FMN2: variants seen among roughly 807,000 people sequenced by gnomAD.
FMN2 encodes the protein formin 2, also known as formin-2.
In FMN2, 51 loss-of-function variants were observed where a neutral mutation model predicts 142.3. The observed-to-expected ratio is 0.36, with a 90% CI of 0.29 to 0.45. The LOEUF is 0.45. Ranked by LOEUF, FMN2 falls within the 20% of genes least tolerant of loss-of-function variation. FMN2 has a pLI of 1.00. For synonymous variants in FMN2, 882 were observed against 869.8 expected (o/e 1.01, Z -0.25); for missense variants, 1,936 against 2,122.8 (o/e 0.91, Z 1.73).
At chr1:240,438,318 C>T in intron 16 of FMN2, 108 bp downstream of exon 16, 1 of 1,213,014 alleles carries the variant, frequency 8.2e-7, no homozygotes, top group Non-Finnish European at 1.1e-6. Flanking sequence ...AGATGGCCCT[C>T]AACCCGGGGT....
chr1:240,467,455 A>G (rs1190164571), intron 16 of FMN2, among the ~76,000 whole-genome samples: 1 of 152,002 alleles, frequency 6.6e-6, no homozygotes, highest in African/African-American at 2.4e-5. Flanking sequence ...TTTAGTAGAG[A>G]TGGGGTTTCA....
At chr1:240,334,376 ATATTCT>A (rs1671492434) in intron 13 of FMN2, 147 bp downstream of exon 13, 1 of 972,340 alleles carries the variant, frequency 1.0e-6, no homozygotes, top group African/African-American at 1.7e-5. Flanking sequence ...AATTTTGCCT[ATATTCT>A]TATTCTTTGG....
intron 14 of FMN2, among the ~76,000 whole-genome samples, chr1:240,360,242 C>G (rs1672416331): frequency 6.6e-6 from 1 of 152,196 alleles, no homozygotes; most frequent in African/African-American, 2.4e-5. Context: ...ACCGATGACT[C>G]TAATGATAAC....
chr1:240,163,995 C>T (rs369658943), intron 2 of FMN2, among the ~76,000 whole-genome samples: 10 of 152,154 alleles, frequency 6.6e-5, no homozygotes, highest in East Asian at 5.8e-4. Context: ...ACCTCAGCCT[C>T]TCAAGTAGCT....
intron 14 of FMN2, among the ~76,000 whole-genome samples, chr1:240,359,878 C>A (rs1261672806): frequency 2.0e-5 from 3 of 152,200 alleles, no homozygotes; most frequent in African/African-American, 4.8e-5. Flanking sequence ...GTATAAGCTT[C>A]ATTAAGAAGG....
At chr1:240,407,104 T>G (rs1276594516) in intron 15 of FMN2, among the ~76,000 whole-genome samples, 1 of 151,894 alleles carries the variant, frequency 6.6e-6, no homozygotes, top group East Asian at 1.9e-4. Context: ...ATGATGTAGG[T>G]ATGGGTTTGG....
intron 7 of FMN2, among the ~76,000 whole-genome samples, chr1:240,279,462 G>T (rs1037003381): frequency 1.3e-5 from 2 of 152,100 alleles, no homozygotes; most frequent in African/African-American, 4.8e-5. Context: ...GTAAGAAGCA[G>T]GTGGTACTTA....
At chr1:240,264,809 T>C (rs897266314) in intron 7 of FMN2, among the ~76,000 whole-genome samples, 3 of 152,206 alleles carry the variant, frequency 2.0e-5, no homozygotes, top group Non-Finnish European at 2.9e-5. Flanking sequence ...TCATATCTTT[T>C]TATTAGTATT....
At chr1:240,433,549 A>C (rs574628625) in intron 15 of FMN2, among the ~76,000 whole-genome samples, 1 of 152,232 alleles carries the variant, frequency 6.6e-6, no homozygotes, top group African/African-American at 2.4e-5. Flanking sequence ...CCTAAAAGGG[A>C]GTTTTCTCTT....
intron 2 of FMN2, among the ~76,000 whole-genome samples, chr1:240,148,387 CAGAG>C (rs1373183537): frequency 0.037 from 5,176 of 139,182 alleles, 253 homozygotes; most frequent in African/African-American, 0.12. Flanking sequence ...GAGAGAAAGA[CAGAG>C]AGAAAGACAG....
At chr1:240,243,674 A>T (rs1667987956) in intron 6 of FMN2, among the ~76,000 whole-genome samples, 1 of 152,224 alleles carries the variant, frequency 6.6e-6, no homozygotes, top group Admixed American at 6.5e-5. Flanking sequence ...AGTTATGGGA[A>T]TATTGCATAT....
intron 6 of FMN2, among the ~76,000 whole-genome samples, chr1:240,253,840 CTG>C (rs1668359840): frequency 6.6e-6 from 1 of 151,804 alleles, no homozygotes; most frequent in Non-Finnish European, 1.5e-5. Flanking sequence ...AGTGTAGTCT[CTG>C]TATGATTTTT....
chr1:240,335,002 GAT>G (rs1056829341), intron 13 of FMN2, among the ~76,000 whole-genome samples: 3 of 152,108 alleles, frequency 2.0e-5, no homozygotes, highest in African/African-American at 7.2e-5. Flanking sequence ...AAACCAAAAA[GAT>G]AGAACTTTTT....
At chr1:240,434,907 G>A (rs1376786044) in intron 15 of FMN2, among the ~76,000 whole-genome samples, 2 of 151,518 alleles carry the variant, frequency 1.3e-5, no homozygotes, top group Non-Finnish European at 2.9e-5. Flanking sequence ...CTAGTGTACA[G>A]CTGAGACAGC....
In FMN2 at chr1:240,295,189, TACACACAC is replaced by T. The variant is rs67137806; in HGVS notation, c.4215+335_4215+342del. Among the ~76,000 whole-genome samples the T allele has an allele frequency of 3.0e-3, 426 of 144,170 alleles. 3 individuals carry two copies. The highest frequency in any genetic ancestry group is 0.022 in the South Asian group (101 of 4,636). The allele number at this position is 144,170 out of a possible 152,430, so 94.6% of individuals were successfully genotyped here. ...GCCAAGCATTGTTCTGTGCACTTCA[TACACACAC>T]ACACACACACACACACACACACACA... On this transcript the variant is annotated intron_variant, in intron 8 of 17. Transcript: ENST00000319653.
intron 2 of FMN2, among the ~76,000 whole-genome samples, chr1:240,160,231 T>G (rs1664224678): frequency 6.6e-6 from 1 of 150,788 alleles, no homozygotes; most frequent in African/African-American, 2.4e-5. Context: ...TCCCTGATAC[T>G]AGAACCAGAT....
At chr1:240,269,017 T>C (rs1259193878) in intron 7 of FMN2, among the ~76,000 whole-genome samples, 1 of 152,038 alleles carries the variant, frequency 6.6e-6, no homozygotes, top group East Asian at 1.9e-4. Flanking sequence ...CTCTGCACTC[T>C]ATTGTTTTGT....
At chr1:240,289,553 C>T (rs1016975202) in intron 7 of FMN2, among the ~76,000 whole-genome samples, 4 of 151,808 alleles carry the variant, frequency 2.6e-5, no homozygotes, top group African/African-American at 9.7e-5. Context: ...GTGGCATGTA[C>T]CTGTTGTCCC....
At chr1:240,269,840 T>A (rs913157028) in intron 7 of FMN2, among the ~76,000 whole-genome samples, 9 of 152,026 alleles carry the variant, frequency 5.9e-5, no homozygotes, top group African/African-American at 2.2e-4. Flanking sequence ...TTCAGACTGT[T>A]GTTAGTGTAT....
Sources: gnomAD v4.1 joint callset for allele counts (sites outside exome capture counted in the v4.1 genomes callset) on GRCh38, gnomAD v4.1.1 for gene constraint, MANE v1.5 for transcripts, NCBI Gene and HGNC (gene_info 2026-07-23, HGNC 2026-07-21) for gene names.